VAMP7: variants seen among roughly 807,000 people sequenced by gnomAD.
The protein encoded by VAMP7 is vesicle-associated membrane protein 7.
A neutral mutation model predicts 29.6 loss-of-function variants in VAMP7; 14 were observed. That is an observed-to-expected ratio of 0.47 (90% confidence interval 0.31 to 0.74). The LOEUF is 0.74. VAMP7 is among the 30% of genes least tolerant of loss of function. The pLI is 0.05. For missense variants in VAMP7, 223 were observed against 262.4 expected (o/e 0.85, Z 1.04); for synonymous variants, 95 against 88.1 (o/e 1.08, Z -0.44).
At chrX:155,919,601 AGTT>A (rs2066365144) in intron 5 of VAMP7, among the ~76,000 whole-genome samples, 1 of 152,070 alleles carries the variant, frequency 6.6e-6, no homozygotes, top group African/African-American at 2.4e-5. Context: ...CTTAGGGTGT[AGTT>A]GTTATGGAGG....
intron 5 of VAMP7, among the ~76,000 whole-genome samples, chrX:155,919,278 C>T (rs915930614): frequency 3.3e-5 from 5 of 152,080 alleles, no homozygotes; most frequent in Admixed American, 2.6e-4. Context: ...TCCCATTACT[C>T]ATTACTGGCT....
At chrX:155,929,470 G>T (rs1280794477) in intron 6 of VAMP7, among the ~76,000 whole-genome samples, 2 of 152,028 alleles carry the variant, frequency 1.3e-5, no homozygotes, top group Non-Finnish European at 2.9e-5. Flanking sequence ...TTGTGTGGGG[G>T]GTGTGACTGA....
chrX:155,906,048 C>A (rs1447440588), intron 5 of VAMP7, among the ~76,000 whole-genome samples: 1 of 139,254 alleles, frequency 7.2e-6, no homozygotes, highest in Non-Finnish European at 1.6e-5. Context: ...ATTTAGGTTT[C>A]TTTAATTTTT....
intron 1 of VAMP7, 27 bp from the exon 2 acceptor site, chrX:155,889,431 A>C (rs750858070): frequency 1.1e-5 from 17 of 1,606,252 alleles, no homozygotes; most frequent in African/African-American, 1.3e-5. Flanking sequence ...GAAATATTCT[A>C]AATCTGTGTC....
chrX:155,905,840 T>C (rs28857012), intron 5 of VAMP7, among the ~76,000 whole-genome samples: 4,189 of 152,258 alleles, frequency 0.028, 205 homozygotes, highest in African/African-American at 0.096. Context: ...CTTCCAACTT[T>C]ATTCTTTCTC....
intron 2 of VAMP7, among the ~76,000 whole-genome samples, chrX:155,890,782 C>T (rs1021167988): frequency 6.6e-6 from 1 of 152,180 alleles, no homozygotes; most frequent in Non-Finnish European, 1.5e-5. Flanking sequence ...ACTTAAAAAT[C>T]TTTTCTTACT....
intron 2 of VAMP7, among the ~76,000 whole-genome samples, chrX:155,892,395 G>A (rs1424981849): frequency 2.0e-5 from 3 of 151,960 alleles, no homozygotes; most frequent in South Asian, 2.1e-4. Context: ...ATTCCTTAAC[G>A]GGACTTGGAA....
intron 6 of VAMP7, among the ~76,000 whole-genome samples, chrX:155,921,140 A>G (rs1408229740): frequency 1.3e-5 from 2 of 152,116 alleles, no homozygotes; most frequent in Non-Finnish European, 2.9e-5. Flanking sequence ...TCTGTCTTTG[A>G]CCAATAGTAG....
chrX:155,916,706 G>T (rs777442706), intron 5 of VAMP7, among the ~76,000 whole-genome samples: 1 of 152,096 alleles, frequency 6.6e-6, no homozygotes, highest in South Asian at 2.1e-4. Context: ...TGGCTTGTAG[G>T]GTTTCTGTCG....
At chrX:155,941,656 A>G (rs2066745568) in intron 7 of VAMP7, among the ~76,000 whole-genome samples, 1 of 152,052 alleles carries the variant, frequency 6.6e-6, no homozygotes, top group African/African-American at 2.4e-5. Context: ...TTTCTCTCCC[A>G]CTGAAGGAAA....
At chrX:155,899,836 T>C (rs2066037654) in intron 4 of VAMP7, among the ~76,000 whole-genome samples, 1 of 152,088 alleles carries the variant, frequency 6.6e-6, no homozygotes, top group African/African-American at 2.4e-5. Flanking sequence ...TAAATAGAGA[T>C]AATAGCATCG....
chrX:155,935,315 TC>T (rs1324414448), intron 6 of VAMP7, among the ~76,000 whole-genome samples: 2 of 152,178 alleles, frequency 1.3e-5, no homozygotes, highest in African/African-American at 4.8e-5. Context: ...GGTTCCATTC[TC>T]CCCATCACTT....
intron 5 of VAMP7, among the ~76,000 whole-genome samples, chrX:155,906,296 G>A (rs1172300622): frequency 6.6e-6 from 1 of 152,118 alleles, no homozygotes; most frequent in African/African-American, 2.4e-5. Context: ...CAGGAATCCT[G>A]TTAGGCCAGT....
At chrX:155,941,852 G>A (rs952123561) in intron 7 of VAMP7, 31 bp from the exon 8 acceptor site, 3 of 1,605,888 alleles carry the variant, frequency 1.9e-6, no homozygotes, top group Middle Eastern at 1.7e-4. Context: ...ATTGATTCAA[G>A]AAAATAAAAT....
chrX:155,942,428 G>A lies in VAMP7; in HGVS notation c.*477G>A. The A allele has an allele frequency of 2.6e-6, 1 of 384,612 alleles. No homozygotes were observed. Among genetic ancestry groups the A allele is most frequent in the Non-Finnish European group, 4.7e-6 (1 of 214,566 alleles). The allele number at this position is 384,612 out of a possible 1,614,324, so 23.8% of individuals were successfully genotyped here. A position where few individuals can be genotyped will look rare whatever the true frequency, so the allele number is the denominator to read the frequency against. ...TAAATGGATAATAGTTGTTATTTGG[G>A]GAATTGTAATGATGTTGGTGCTGCT... On this transcript the variant is annotated 3_prime_UTR_variant, in exon 8 of 8. Transcript: ENST00000286448.
At chrX:155,900,952 T>G (rs747840993) in intron 5 of VAMP7, among the ~76,000 whole-genome samples, 2 of 152,056 alleles carry the variant, frequency 1.3e-5, no homozygotes, top group Non-Finnish European at 2.9e-5. Context: ...TAGCACAGTG[T>G]TAGAGTGCTG....
intron 6 of VAMP7, among the ~76,000 whole-genome samples, chrX:155,936,343 C>G (rs1939207679): frequency 6.6e-6 from 1 of 152,176 alleles, no homozygotes; most frequent in African/African-American, 2.4e-5. Context: ...GTGGTGGGCT[C>G]CACCCAGTTC....
intron 6 of VAMP7, among the ~76,000 whole-genome samples, chrX:155,924,282 T>C (rs1425519760): frequency 6.6e-6 from 1 of 152,196 alleles, no homozygotes; most frequent in East Asian, 1.9e-4. Flanking sequence ...AAAATTGTGG[T>C]AAAATATGTA....
intron 1 of VAMP7, among the ~76,000 whole-genome samples, chrX:155,887,155 C>T (rs1416557612): frequency 6.6e-6 from 1 of 152,186 alleles, no homozygotes; most frequent in African/African-American, 2.4e-5. Flanking sequence ...TTTGGTCCTC[C>T]TCAGTCTTTG....
Sources: gnomAD v4.1 joint callset for allele counts (sites outside exome capture counted in the v4.1 genomes callset) on GRCh38, gnomAD v4.1.1 for gene constraint, MANE v1.5 for transcripts, NCBI Gene and HGNC (gene_info 2026-07-23, HGNC 2026-07-21) for gene names.